FRMD6: variants seen among roughly 807,000 people sequenced by gnomAD.
FRMD6 encodes FERM domain containing 6, also known as FERM domain-containing protein 6.
In FRMD6, 37 loss-of-function variants were observed where a neutral mutation model predicts 73.2. The observed-to-expected ratio is 0.51, with a 90% confidence interval of 0.39 to 0.66. The LOEUF is 0.66. FRMD6 is among the 30% of genes least tolerant of loss of function. The pLI, the probability that FRMD6 is intolerant of heterozygous loss-of-function variation, is 0.00. For missense variants in FRMD6, 714 were observed against 780.5 expected, an observed-to-expected ratio of 0.91 and a Z score of 1.02; for synonymous variants, 273 against 282.2, an observed-to-expected ratio of 0.97 and a Z score of 0.33.
chr14:51,533,017 T>C (rs1374339455), intron 1 of FRMD6, among the ~76,000 whole-genome samples: 1 of 152,226 alleles, frequency 6.6e-6, no homozygotes, highest in Non-Finnish European at 1.5e-5. Context: ...ATAATGTATC[T>C]TTAGAACAGT....
At chr14:51,549,343 T>C (rs1167814151) in intron 1 of FRMD6, among the ~76,000 whole-genome samples, 1 of 152,172 alleles carries the variant, frequency 6.6e-6, no homozygotes, top group Non-Finnish European at 1.5e-5. Context: ...TAGTATAGGC[T>C]AGCTTAATAT....
chr14:51,526,353 AACCCACTTTGAT>A, intron 1 of FRMD6, among the ~76,000 whole-genome samples: 1 of 152,280 alleles, frequency 6.6e-6, no homozygotes, highest in Admixed American at 6.5e-5. Flanking sequence ...TGGTCTCTGG[AACCCACTTTGAT>A]ACCCACTTCA....
chr14:51,569,925 C>T (rs1888020996), intron 1 of FRMD6, among the ~76,000 whole-genome samples: 2 of 151,874 alleles, frequency 1.3e-5, no homozygotes, highest in South Asian at 4.2e-4. Context: ...ACGCCATTCT[C>T]CTGCCTCAGC....
intron 1 of FRMD6, among the ~76,000 whole-genome samples, chr14:51,517,324 T>A (rs1029739997): frequency 4.1e-4 from 61 of 149,984 alleles, no homozygotes; most frequent in African/African-American, 1.4e-3. Flanking sequence ...GGAGCAGTAA[T>A]GAGTTTTCCA....
chr14:51,559,356 C>A (rs190877743), intron 1 of FRMD6, among the ~76,000 whole-genome samples: 19 of 152,314 alleles, frequency 1.2e-4, no homozygotes, highest in Admixed American at 1.1e-3. Context: ...AAAGTGTGGT[C>A]CTTAGACCAG....
rs111661238 is a variant in FRMD6 at position 51,655,046 on chromosome 14, T to TA, written c.-147+3066dup. Among the ~76,000 whole-genome samples the TA allele has an allele frequency of 4.4e-3, 585 of 131,818 alleles. 1 individual carries two copies. Among genetic ancestry groups the TA allele is most frequent in the African/African-American group, 0.013 (479 of 36,198 alleles). 86.5% of individuals were successfully genotyped at this position (131,818 alleles called of 152,430 possible). On this transcript the variant is annotated intron_variant, in intron 1 of 13. Transcript: ENST00000344768. ...CAATTTCAACTTTCTTCTTTTAAAGTAAAAAAAAAAAAAAAAGTTTTAAGT... is the reference window on the plus strand; with the variant it reads ...CAATTTCAACTTTCTTCTTTTAAAGTAAAAAAAAAAAAAAAAAGTTTTAAGT...
chr14:51,453,379 T>A, the FRMD6 span, among the ~76,000 whole-genome samples: 1 of 151,940 alleles, frequency 6.6e-6, no homozygotes, highest in African/African-American at 2.4e-5. Context: ...TGGGAAGCTG[T>A]GAAGCAAAGA....
chr14:51,615,594 A>G lies in FRMD6; in HGVS notation c.-147+45184A>G, dbSNP rs116973112. Among the ~76,000 whole-genome samples the G allele has an allele frequency of 7.4e-3, 1,124 of 152,248 alleles. 5 individuals carry two copies. The highest frequency in any genetic ancestry group is 0.014 in the Admixed American group (208 of 15,292). On this transcript the variant is annotated intron_variant, in intron 2 of 14. Coordinates refer to the FRMD6 transcript ENST00000356218. ...TTCTGCCCAAGAAGCTAGGTGGAAA[A>G]TTGTTTTACATTCACTTCGACAAGC... is the stretch of plus-strand genomic sequence containing the variant.
At chr14:51,408,187 C>T in the FRMD6 span, among the ~76,000 whole-genome samples, 1 of 150,138 alleles carries the variant, frequency 6.7e-6, no homozygotes, top group African/African-American at 2.5e-5. Context: ...AATACAATAT[C>T]ACTCTGTTGC....
the FRMD6 span, among the ~76,000 whole-genome samples, chr14:51,397,903 C>G: frequency 6.6e-6 from 1 of 152,050 alleles, no homozygotes; most frequent in South Asian, 2.1e-4. Flanking sequence ...TGATATATCT[C>G]AAGGTATATA....
chr14:51,432,517 T>G, the FRMD6 span, among the ~76,000 whole-genome samples: 2 of 152,178 alleles, frequency 1.3e-5, no homozygotes, highest in Non-Finnish European at 2.9e-5. Flanking sequence ...CTTTTCCCAG[T>G]ATGAAACATG....
intron 1 of FRMD6, among the ~76,000 whole-genome samples, chr14:51,520,126 A>G (rs561360252): frequency 6.6e-6 from 1 of 152,372 alleles, no homozygotes; most frequent in South Asian, 2.1e-4. Context: ...CAACTAAGCA[A>G]TACAAAGACA....
rs112834668 is a variant in FRMD6, at chr14:51,511,134, G to C, written c.-210+21714G>C. Among the ~76,000 whole-genome samples the C allele has an allele frequency of 4.4e-3, 676 of 152,162 alleles. 3 individuals are homozygous for C. Among genetic ancestry groups the C allele is most frequent in the African/African-American group, 0.016 (654 of 41,502 alleles). ...CCCCAGTGGCTATTACTAGATAAAAGTCACTAAATGAAAAACAGATATTCC... is the reference window on the plus strand; with the variant it reads ...CCCCAGTGGCTATTACTAGATAAAACTCACTAAATGAAAAACAGATATTCC... On this transcript the variant is annotated intron_variant, in intron 1 of 14. Transcript: ENST00000356218.
chr14:51,482,793 T>TG, the FRMD6 span, among the ~76,000 whole-genome samples: 1 of 151,996 alleles, frequency 6.6e-6, no homozygotes, highest in African/African-American at 2.4e-5. Flanking sequence ...CTCTGCCTCC[T>TG]GGGTTCACTC....
intron 12 of FRMD6, among the ~76,000 whole-genome samples, chr14:51,725,194 G>A (rs574850556): frequency 2.0e-5 from 3 of 152,278 alleles, no homozygotes; most frequent in African/African-American, 7.2e-5. Context: ...TAGCAGGCAG[G>A]TGCTGTTATT....
chr14:51,707,486 A>G (rs533714485), intron 6 of FRMD6, among the ~76,000 whole-genome samples: 1 of 152,304 alleles, frequency 6.6e-6, no homozygotes, highest in Admixed American at 6.5e-5. Flanking sequence ...CTGTCTGATG[A>G]AAATCTAAGT....
the FRMD6 span, among the ~76,000 whole-genome samples, chr14:51,477,034 T>C: frequency 6.6e-6 from 1 of 152,186 alleles, no homozygotes; most frequent in Non-Finnish European, 1.5e-5. Context: ...GTTACATTTG[T>C]TCCCAATGAA....
At chr14:51,724,833 T>TA (rs759111476) in intron 12 of FRMD6, among the ~76,000 whole-genome samples, 8 of 152,190 alleles carry the variant, frequency 5.3e-5, no homozygotes, top group Non-Finnish European at 1.2e-4. Context: ...GGTGTTCACT[T>TA]ACACCTCTAG....
the FRMD6 span, among the ~76,000 whole-genome samples, chr14:51,452,437 A>G: frequency 2.6e-5 from 4 of 152,344 alleles, no homozygotes; most frequent in East Asian, 7.7e-4. Context: ...AACTAACATG[A>G]GGAATAGTAG....
Sources: gnomAD v4.1 joint callset for allele counts (sites outside exome capture counted in the v4.1 genomes callset) on GRCh38, gnomAD v4.1.1 for gene constraint, MANE v1.5 for transcripts, NCBI Gene and HGNC (gene_info 2026-07-23, HGNC 2026-07-21) for gene names.